GRIK3: variants seen among roughly 807,000 people sequenced by gnomAD.
GRIK3 encodes glutamate ionotropic receptor kainate type subunit 3.
In GRIK3, 29 loss-of-function variants were observed where a neutral mutation model predicts 102.5. The ratio of observed to expected loss-of-function variants is 0.28; its 90% confidence interval spans 0.21 to 0.39. The LOEUF (loss-of-function observed/expected upper bound fraction) is 0.39, where lower values mean the gene tolerates loss of function less well. GRIK3 is among the 10% of genes least tolerant of loss of function. The pLI is 1.00. For synonymous variants in GRIK3, 511 were observed against 504.9 expected (o/e 1.01, Z -0.16); for missense variants, 908 against 1,252.4 (o/e 0.73, Z 4.15).
chr1:36,951,615 T>C (rs2124335586), intron 1 of GRIK3, among the ~76,000 whole-genome samples: 1 of 152,328 alleles, frequency 6.6e-6, no homozygotes, highest in Admixed American at 6.5e-5. Context: ...ACTGGCCTTG[T>C]TTCTAGGTGA....
At position 36,935,704 on chromosome 1, in the gene GRIK3, A is replaced by G. The variant is rs185603566; in HGVS notation, c.116-44608T>C. Among the ~76,000 whole-genome samples, 13 of 152,358 alleles carry G rather than the reference A, an allele frequency of 8.5e-5. No individual in the cohort carries two copies. In the East Asian group the frequency reaches 2.5e-3, roughly 29 times the overall value. On this transcript the variant is annotated intron_variant, in intron 1 of 15. Transcript: ENST00000373091. ...GAAATGATCCAAATATATGCTAATG[A>G]AGCTGAATATGCATTATTTAGACTA...
At chr1:36,822,629 A>AGT (rs1239491509) in intron 11 of GRIK3, among the ~76,000 whole-genome samples, 8 of 152,186 alleles carry the variant, frequency 5.3e-5, no homozygotes, top group African/African-American at 1.9e-4. Flanking sequence ...GTCTCCACAG[A>AGT]GAAGGCTACA....
At chr1:36,973,122 C>A (rs550451818) in intron 1 of GRIK3, among the ~76,000 whole-genome samples, 1 of 152,174 alleles carries the variant, frequency 6.6e-6, no homozygotes, top group African/African-American at 2.4e-5. Flanking sequence ...CTTCATGCAC[C>A]TAACCCTCCC....
chr1:36,870,967 G>T (rs372697151), intron 4 of GRIK3, among the ~76,000 whole-genome samples: 2 of 152,114 alleles, frequency 1.3e-5, no homozygotes, highest in Non-Finnish European at 2.9e-5. Flanking sequence ...ACAGCTGATC[G>T]GGAGGCTAGG....
chr1:37,031,199 T>C (rs894066096), intron 1 of GRIK3, among the ~76,000 whole-genome samples: 2 of 152,218 alleles, frequency 1.3e-5, no homozygotes, highest in East Asian at 1.9e-4. Context: ...TAATCATACA[T>C]AGAATACATC....
intron 6 of GRIK3, 69 bp downstream of exon 6, chr1:36,859,775 G>C (rs994304729): frequency 2.5e-6 from 3 of 1,215,270 alleles, no homozygotes; most frequent in Non-Finnish European, 2.4e-6. Flanking sequence ...AGAAACAAGA[G>C]GAAGGAGAGA....
At chr1:36,977,677 G>A (rs2124363644) in intron 1 of GRIK3, among the ~76,000 whole-genome samples, 1 of 152,338 alleles carries the variant, frequency 6.6e-6, no homozygotes, top group Admixed American at 6.5e-5. Context: ...GGTTGATTCT[G>A]GGGAGGCTGC....
intron 1 of GRIK3, among the ~76,000 whole-genome samples, chr1:36,911,438 T>C (rs1359989068): frequency 2.0e-5 from 3 of 152,162 alleles, no homozygotes; most frequent in Admixed American, 2.0e-4. Flanking sequence ...CTAAAGCACA[T>C]TGTATGCCTT....
At chr1:36,957,566 T>TGAATCTGTGCCCC (rs1641934276) in intron 1 of GRIK3, among the ~76,000 whole-genome samples, 1 of 99,174 alleles carries the variant, frequency 1.0e-5, no homozygotes, top group African/African-American at 3.5e-5. Context: ...CTGTGTGCTC[T>TGAATCTGTGCCCC]GTGAGTCTGT....
At chr1:36,906,469 G>A (rs1641286095) in intron 1 of GRIK3, among the ~76,000 whole-genome samples, 2 of 152,222 alleles carry the variant, frequency 1.3e-5, no homozygotes, top group African/African-American at 4.8e-5. Context: ...ATCAAAGAAA[G>A]AGTGAAACAA....
chr1:36,917,441 G>A (rs545787766), intron 1 of GRIK3, among the ~76,000 whole-genome samples: 1 of 152,318 alleles, frequency 6.6e-6, no homozygotes, highest in South Asian at 2.1e-4. Context: ...GGGGCCAGGG[G>A]TGGCATGATA....
chr1:36,970,373 G>C (rs573155456), intron 1 of GRIK3, among the ~76,000 whole-genome samples: 1 of 152,074 alleles, frequency 6.6e-6, no homozygotes, highest in East Asian at 1.9e-4. Flanking sequence ...GTCTGATATC[G>C]GAGGTCCGCA....
intron 11 of GRIK3, among the ~76,000 whole-genome samples, chr1:36,822,414 G>A (rs965213909): frequency 2.6e-5 from 4 of 152,182 alleles, no homozygotes; most frequent in African/African-American, 4.8e-5. Context: ...TGGAGGCCAC[G>A]AGGATCCTGC....
intron 1 of GRIK3, among the ~76,000 whole-genome samples, chr1:36,927,741 G>C (rs910016715): frequency 1.3e-5 from 2 of 152,198 alleles, no homozygotes. Context: ...GCTCCTTTGT[G>C]GTGGAGGAGA....
chr1:37,006,662 C>T (rs868410953), intron 1 of GRIK3, among the ~76,000 whole-genome samples: 6 of 152,218 alleles, frequency 3.9e-5, no homozygotes, highest in South Asian at 4.1e-4. Context: ...AAACCAGGCA[C>T]GTGGGCTAGA....
At chr1:36,829,662 CAAG>C (rs1274030412) in intron 10 of GRIK3, among the ~76,000 whole-genome samples, 8 of 152,118 alleles carry the variant, frequency 5.3e-5, no homozygotes, top group African/African-American at 1.9e-4. Flanking sequence ...TTCCACTTAC[CAAG>C]AATCTGTTGG....
At chr1:36,840,938 A>C (rs2124215540) in intron 10 of GRIK3, among the ~76,000 whole-genome samples, 1 of 152,276 alleles carries the variant, frequency 6.6e-6, no homozygotes, top group South Asian at 2.1e-4. Context: ...TATGACAACA[A>C]TCGCGTGAGG....
chr1:36,916,154 G>A (rs1641398008), intron 1 of GRIK3, among the ~76,000 whole-genome samples: 1 of 152,216 alleles, frequency 6.6e-6, no homozygotes, highest in Admixed American at 6.5e-5. Context: ...TTTTAGCAAA[G>A]AGACTGGCAG....
intron 10 of GRIK3, among the ~76,000 whole-genome samples, chr1:36,831,898 C>T (rs1186587596): frequency 6.6e-6 from 1 of 152,248 alleles, no homozygotes; most frequent in Admixed American, 6.5e-5. Flanking sequence ...TGCAGCCCCT[C>T]TGATCCATGT....
Sources: gnomAD v4.1 joint callset for allele counts (sites outside exome capture counted in the v4.1 genomes callset) on GRCh38, gnomAD v4.1.1 for gene constraint, MANE v1.5 for transcripts, NCBI Gene and HGNC (gene_info 2026-07-23, HGNC 2026-07-21) for gene names.